The following P2RY8 variants were observed in gnomAD, a reference collection of about 807,000 sequenced individuals.
P2RY8 encodes P2Y receptor family member 8.
A neutral mutation model predicts 10.0 loss-of-function variants in P2RY8; 6 were observed. The ratio of observed to expected loss-of-function variants is 0.60; its 90% CI spans 0.33 to 1.19. The LOEUF is 1.19. Among genes scored for constraint, P2RY8 ranks in the 50% most tolerant of loss-of-function variants. P2RY8 has a pLI of 0.04. For synonymous variants in P2RY8, 276 were observed against 252.5 expected (o/e 1.09, Z -0.88); for missense variants, 456 against 542.0 (o/e 0.84, Z 1.58).
At chrX:1,523,999 G>A (rs2092411382) in intron 1 of P2RY8, among the ~76,000 whole-genome samples, 1 of 152,110 alleles carries the variant, frequency 6.6e-6, no homozygotes, top group South Asian at 2.1e-4. Flanking sequence ...CAAAGATGGT[G>A]AATTTTGTTA....
At chrX:1,526,595 C>A (rs1256581059) in intron 1 of P2RY8, among the ~76,000 whole-genome samples, 1 of 151,996 alleles carries the variant, frequency 6.6e-6, no homozygotes, top group Admixed American at 6.6e-5. Flanking sequence ...TGCCTTTAAT[C>A]ATTCACCCAT....
chrX:1,486,816 C>A (rs1159114507), intron 1 of P2RY8, among the ~76,000 whole-genome samples: 2 of 152,216 alleles, frequency 1.3e-5, no homozygotes, highest in African/African-American at 2.4e-5. Context: ...TTCCCCTACA[C>A]CCTCCTGGCT....
At chrX:1,536,893 A>G (rs1286264087) in intron 1 of P2RY8, 28 bp downstream of exon 1, 1 of 217,444 alleles carries the variant, frequency 4.6e-6, no homozygotes, top group African/African-American at 2.3e-5. Flanking sequence ...GTGCAGGACA[A>G]GCATAAAAGT....
chrX:1,483,677 T>C (rs1381628740), intron 1 of P2RY8, among the ~76,000 whole-genome samples: 2 of 151,732 alleles, frequency 1.3e-5, no homozygotes, highest in African/African-American at 4.8e-5. Context: ...GGAGCTCCAT[T>C]AAAACCCAAA....
intron 1 of P2RY8, among the ~76,000 whole-genome samples, chrX:1,487,476 A>G (rs2091997128): frequency 6.6e-6 from 1 of 152,124 alleles, no homozygotes; most frequent in Non-Finnish European, 1.5e-5. Flanking sequence ...ATGAGTGACA[A>G]GGGGCGTGGT....
chrX:1,512,859 T>C (rs868647391), intron 1 of P2RY8, among the ~76,000 whole-genome samples: 1 of 106,540 alleles, frequency 9.4e-6, no homozygotes, highest in African/African-American at 3.1e-5. Context: ...ATTATTATTA[T>C]TATTTAATTT....
intron 1 of P2RY8, among the ~76,000 whole-genome samples, chrX:1,470,537 C>G (rs1239116303): frequency 1.3e-5 from 2 of 151,650 alleles, no homozygotes; most frequent in Non-Finnish European, 2.9e-5. Context: ...AACAAAAACC[C>G]TTCAGAACCC....
At chrX:1,497,221 C>CAAAAAAAAA (rs555047911) in intron 1 of P2RY8, among the ~76,000 whole-genome samples, 1 of 84,522 alleles carries the variant, frequency 1.2e-5, no homozygotes, top group African/African-American at 4.3e-5. Context: ...GACTCCGTCT[C>CAAAAAAAAA]AAAAAAAAAA....
At chrX:1,472,558 A>G (rs1323596887) in intron 1 of P2RY8, among the ~76,000 whole-genome samples, 4 of 112,590 alleles carry the variant, frequency 3.6e-5, no homozygotes, top group South Asian at 3.2e-4. Flanking sequence ...TGGGTTTGTG[A>G]ATGGGTGGGT....
chrX:1,502,047 AC>A (rs1388189407), intron 1 of P2RY8, among the ~76,000 whole-genome samples: 2 of 152,038 alleles, frequency 1.3e-5, no homozygotes, highest in East Asian at 3.9e-4. Context: ...AATATCTGGA[AC>A]TACAGGCGTG....
At chrX:1,514,858 TCCCCC>T (rs2092332943) in intron 1 of P2RY8, among the ~76,000 whole-genome samples, 2 of 2,202 alleles carry the variant, frequency 9.1e-4, no homozygotes, top group Non-Finnish European at 2.3e-3. Flanking sequence ...TCCCTCCCCC[TCCCCC>T]TCCCCTTCCC....
chrX:1,479,772 G>A (rs1168178371), intron 1 of P2RY8, among the ~76,000 whole-genome samples: 2 of 152,130 alleles, frequency 1.3e-5, no homozygotes, highest in Admixed American at 1.3e-4. Flanking sequence ...AACAAAGAAT[G>A]AGGACACAAG....
At chrX:1,493,804 G>A (rs1465295918) in intron 1 of P2RY8, among the ~76,000 whole-genome samples, 2 of 152,100 alleles carry the variant, frequency 1.3e-5, no homozygotes, top group Admixed American at 6.5e-5. Context: ...CTTTTCTTGC[G>A]GCAACGTCTG....
At chrX:1,522,738 T>A (rs1200588630) in intron 1 of P2RY8, among the ~76,000 whole-genome samples, 1 of 151,752 alleles carries the variant, frequency 6.6e-6, no homozygotes, top group African/African-American at 2.4e-5. Flanking sequence ...GTCACTGCAC[T>A]CCAGCCTGGG....
intron 1 of P2RY8, among the ~76,000 whole-genome samples, chrX:1,523,532 G>A (rs1217000366): frequency 1.3e-5 from 2 of 152,128 alleles, no homozygotes; most frequent in African/African-American, 4.8e-5. Flanking sequence ...GAGGGAGGAG[G>A]GAAGGGAGAA....
intron 1 of P2RY8, among the ~76,000 whole-genome samples, chrX:1,478,102 G>A (rs2091895576): frequency 6.6e-6 from 1 of 152,126 alleles, no homozygotes; most frequent in African/African-American, 2.4e-5. Context: ...GGGGTCAGAC[G>A]TCAGAGCTGT....
intron 1 of P2RY8, among the ~76,000 whole-genome samples, chrX:1,471,170 G>A (rs146773242): frequency 0.015 from 2,218 of 152,006 alleles, 22 homozygotes; most frequent in South Asian, 0.026. Flanking sequence ...ACCGCACCCA[G>A]CTAATTTTTG....
intron 1 of P2RY8, among the ~76,000 whole-genome samples, chrX:1,530,153 GTATGATCTATCTATCTATCTATCTATCT>G (rs2092463225): frequency 2.5e-5 from 1 of 39,518 alleles, no homozygotes; most frequent in African/African-American, 1.5e-4. Context: ...ATGTATGTAT[GTATGATCTATCTATCTATCTATCTATCT>G]ATCTATCTAT....
At chrX:1,505,987 CT>C (rs542485545) in intron 1 of P2RY8, among the ~76,000 whole-genome samples, 3,549 of 108,738 alleles carry the variant, frequency 0.033, 69 homozygotes, top group African/African-American at 0.098. Flanking sequence ...TTTCTTTCTT[CT>C]TTTTTTTTTT....
Sources: gnomAD v4.1 joint callset for allele counts (sites outside exome capture counted in the v4.1 genomes callset) on GRCh38, gnomAD v4.1.1 for gene constraint, MANE v1.5 for transcripts, NCBI Gene and HGNC (gene_info 2026-07-23, HGNC 2026-07-21) for gene names.